Variants in FOXK1 observed in about 807,000 individuals in gnomAD.
FOXK1 encodes the protein forkhead box protein K1.
In FOXK1, 19 loss-of-function variants were observed where a neutral mutation model predicts 51.9. The observed-to-expected ratio is 0.37, with a 90% CI of 0.26 to 0.54. The LOEUF (loss-of-function observed/expected upper bound fraction) is 0.54. Among genes scored for constraint, FOXK1 ranks in the 20% least tolerant of loss-of-function variants. The probability of loss-of-function intolerance (pLI) is 0.87; values close to 1 mark genes in which losing one functional copy is unlikely to be tolerated. For synonymous variants in FOXK1, 537 were observed against 482.6 expected (o/e 1.11, Z -1.48); for missense variants, 870 against 1,032.7 (o/e 0.84, Z 2.16).
At chr7:4,732,681 T>C in intron 1 of FOXK1, among the ~76,000 whole-genome samples, 1 of 152,210 alleles carries the variant, frequency 6.6e-6, no homozygotes, top group East Asian at 1.9e-4. Context: ...CAGGTCTCAC[T>C]TCGCAGAGGC....
At chr7:4,725,563 G>A (rs775214141) in intron 1 of FOXK1, among the ~76,000 whole-genome samples, 48 of 152,252 alleles carry the variant, frequency 3.2e-4, no homozygotes, top group Non-Finnish European at 1.0e-4. Flanking sequence ...TTGTGCGGCC[G>A]GGCCCCTCCG....
At position 4,729,182 on chromosome 7, in the gene FOXK1, C is replaced by T. The variant is rs1459248188; in HGVS notation, c.561-11656C>T. Among the ~76,000 whole-genome samples, 3 of 152,144 alleles carry T rather than the reference C, an allele frequency of 2.0e-5. No individual in the cohort carries two copies. The highest frequency in any genetic ancestry group is 1.9e-4 in the East Asian group (1 of 5,192). ...TTAAGCCACACAGCATGGTGGGGAG[C>T]GGAGGTGATTTCGGAGCCTACTCTC... On this transcript the variant is annotated intron_variant, in intron 1 of 8. Coordinates refer to ENST00000328914, the MANE Select transcript of FOXK1 (RefSeq NM_001037165.2). The surrounding 1 kb of genome is among the most constrained non-coding windows in gnomAD (Gnocchi z 6.2).
intron 1 of FOXK1, among the ~76,000 whole-genome samples, chr7:4,739,268 C>T (rs570050322): frequency 1.3e-5 from 2 of 152,184 alleles, no homozygotes; most frequent in African/African-American, 4.8e-5. Flanking sequence ...CTGAAAAGCG[C>T]ATTATCACCG....
In FOXK1 at chr7:4,686,778, G is replaced by A. The variant is rs115789582; in HGVS notation, c.560+3910G>A. Among the ~76,000 whole-genome samples the A allele has an allele frequency of 3.5e-3, 529 of 151,714 alleles. 2 individuals are homozygous for A. The highest frequency in any genetic ancestry group is 0.011 in the African/African-American group (445 of 41,322). On this transcript the variant is annotated intron_variant, in intron 1 of 8. Coordinates refer to ENST00000328914, the MANE Select transcript of FOXK1 (RefSeq NM_001037165.2). ...TTTGCAGCTTCTGTAGGAGAAAAACGGCGTCATCGATTTAGTCTGGTGTCC... is the reference window on the plus strand; with the variant it reads ...TTTGCAGCTTCTGTAGGAGAAAAACAGCGTCATCGATTTAGTCTGGTGTCC...
intron 1 of FOXK1, among the ~76,000 whole-genome samples, chr7:4,690,214 G>C (rs1183049676): frequency 1.3e-5 from 2 of 152,070 alleles, no homozygotes; most frequent in African/African-American, 4.8e-5. Flanking sequence ...TGTTCCCGTT[G>C]GGTGATGGTT....
chr7:4,700,685 A>G (rs962140748), intron 1 of FOXK1, among the ~76,000 whole-genome samples: 6 of 151,958 alleles, frequency 3.9e-5, no homozygotes, highest in African/African-American at 1.5e-4. Flanking sequence ...GTGTGGTATC[A>G]TGCACCTGTG....
At chr7:4,684,780 A>G (rs1779798050) in intron 1 of FOXK1, among the ~76,000 whole-genome samples, 1 of 151,866 alleles carries the variant, frequency 6.6e-6, no homozygotes, top group Admixed American at 6.6e-5. Flanking sequence ...AAACAGGTGC[A>G]CTCCTGAGTC....
At chr7:4,750,039 C>T (rs1341372243) in intron 2 of FOXK1, among the ~76,000 whole-genome samples, 2 of 152,220 alleles carry the variant, frequency 1.3e-5, no homozygotes, top group Non-Finnish European at 2.9e-5. Flanking sequence ...CCTGTGAGCA[C>T]AGCTCCGGGA....
In FOXK1 at chr7:4,733,325, A is replaced by G. The variant is rs531303711; in HGVS notation, c.561-7513A>G. 8.5e-5 allele frequency among the ~76,000 whole-genome samples: 13 copies of G among 152,184 alleles called. No homozygotes were observed. The South Asian group carries it at 2.3e-3, about 27-fold the overall frequency. ...ATTATAGATGTAAGCCACCCTACCC[A>G]GCCACACATGACCATCTTAATGTCA... On this transcript the variant is annotated intron_variant, in intron 1 of 8. Coordinates refer to ENST00000328914, the MANE Select transcript of FOXK1 (RefSeq NM_001037165.2). This position sits in a 1 kb window ranked among gnomAD's most constrained non-coding sequence, Gnocchi z 5.0.
Position 4,758,105 on chromosome 7 carries a change from C to T in FOXK1, c.1244+918C>T, listed in dbSNP as rs534123598. On this transcript the variant is annotated intron_variant, in intron 5 of 8. Coordinates refer to ENST00000328914, the MANE Select transcript of FOXK1 (RefSeq NM_001037165.2). This position sits in a 1 kb window ranked among gnomAD's most constrained non-coding sequence, Gnocchi z 4.4. The stretch of plus-strand genomic sequence containing the variant: ...GGGTCTTTTGGTAGCACTAAGCTTT[C>T]TGTTGCAGTGTGTGAGAGGACCCGG... 7 of 152,400 alleles carry T rather than the reference C, an allele frequency of 4.6e-5. No individual in the cohort carries two copies. The South Asian group carries it at 6.2e-4, about 14-fold the overall frequency. 9.4% of individuals were successfully genotyped at this position (152,400 alleles called of 1,614,324 possible). A position where few individuals can be genotyped will look rare whatever the true frequency, so the allele number is the denominator to read the frequency against.
rs979902501 is a variant in FOXK1 at position 4,715,559 on chromosome 7, G to A, written c.561-25279G>A. 6.6e-6 allele frequency among the ~76,000 whole-genome samples: 1 copy of A among 152,224 alleles called. No homozygotes were observed. Among genetic ancestry groups the A allele is most frequent in the Admixed American group, 6.5e-5 (1 of 15,286 alleles). On this transcript the variant is annotated intron_variant, in intron 1 of 8. Coordinates refer to ENST00000328914, the MANE Select transcript of FOXK1 (RefSeq NM_001037165.2). The surrounding 1 kb of genome is among the most constrained non-coding windows in gnomAD (Gnocchi z 4.5). Reference sequence around the variant, plus strand: ...GCAGTCAGCTTTCCACTTAAGCAGAGCCAAGTTTAGAATGAATGAATAGGA... The same window carrying A: ...GCAGTCAGCTTTCCACTTAAGCAGAACCAAGTTTAGAATGAATGAATAGGA...
intron 1 of FOXK1, among the ~76,000 whole-genome samples, chr7:4,701,694 C>A (rs1412625697): frequency 6.6e-6 from 1 of 152,180 alleles, no homozygotes; most frequent in Non-Finnish European, 1.5e-5. Flanking sequence ...GAGATCAAGA[C>A]CATCCTGGCT....
At chr7:4,741,885 C>T (rs1208316680) in intron 2 of FOXK1, among the ~76,000 whole-genome samples, 1 of 152,238 alleles carries the variant, frequency 6.6e-6, no homozygotes, top group Admixed American at 6.5e-5. Context: ...CCTCAGGCGA[C>T]AGCCTGGATG....
In FOXK1 at chr7:4,769,805, A is replaced by T. The variant is rs1292699982; in HGVS notation, c.*7341A>T. 6.6e-6 allele frequency: 1 copy of T among 152,080 alleles called. No homozygotes were observed. The highest frequency in any genetic ancestry group is 1.5e-5 in the Non-Finnish European group (1 of 68,034). 9.4% of individuals were successfully genotyped at this position (152,080 alleles called of 1,614,324 possible). A position where few individuals can be genotyped will look rare whatever the true frequency, so the allele number is the denominator to read the frequency against. ...TGTTGTTTTGTTTTGTTTTAGCGTG[A>T]TACTACAATGGAAAGACTCCTAGTT... On this transcript the variant is annotated 3_prime_UTR_variant, in exon 9 of 9. Transcript: ENST00000328914. The surrounding 1 kb of genome is among the most constrained non-coding windows in gnomAD (Gnocchi z 4.1).
Position 4,723,099 on chromosome 7 carries a change from T to C in FOXK1, c.561-17739T>C, listed in dbSNP as rs1311510760. ...GTCTTCCCAAGCCTGTTGACGATGA[T>C]GGTAACGGCACCGTGCTCACTCCAA... is the stretch of plus-strand genomic sequence containing the variant. On this transcript the variant is annotated intron_variant, in intron 1 of 8. Transcript: ENST00000328914. The surrounding 1 kb of genome is among the most constrained non-coding windows in gnomAD (Gnocchi z 4.7). Among the ~76,000 whole-genome samples, 1 of 151,858 alleles carries C rather than the reference T, an allele frequency of 6.6e-6. No homozygotes were observed. The highest frequency in any genetic ancestry group is 1.5e-5 in the Non-Finnish European group (1 of 67,982).
chr7:4,687,740 T>G (rs1255850364), intron 1 of FOXK1, among the ~76,000 whole-genome samples: 2 of 152,210 alleles, frequency 1.3e-5, no homozygotes, highest in African/African-American at 4.8e-5. Context: ...CGCCCAGTAT[T>G]TTTATAGTAA....
In FOXK1 at chr7:4,742,695, G is replaced by A. The variant is rs571981352; in HGVS notation, c.746+1672G>A. Among the ~76,000 whole-genome samples, 5 of 152,284 alleles carry A rather than the reference G, an allele frequency of 3.3e-5. No individual in the cohort carries two copies. In the South Asian group the frequency reaches 8.3e-4, roughly 25 times the overall value. ...ACCTCCCAAAGTGCTGAGGTTACAGGTGTGAGCCAACACACCCAGCCCGTA... is the reference window on the plus strand; with the variant it reads ...ACCTCCCAAAGTGCTGAGGTTACAGATGTGAGCCAACACACCCAGCCCGTA... On this transcript the variant is annotated intron_variant, in intron 2 of 8. Transcript: ENST00000328914.
At chr7:4,759,850 C>T (rs1780908556) in intron 7 of FOXK1, 4 of 567,638 alleles carry the variant, frequency 7.0e-6, no homozygotes, top group Non-Finnish European at 1.2e-5. Context: ...GGCCAACATA[C>T]TGAAACCCCG....
chr7:4,726,504 C>G (rs1394056658), intron 1 of FOXK1, among the ~76,000 whole-genome samples: 1 of 152,184 alleles, frequency 6.6e-6, no homozygotes, highest in African/African-American at 2.4e-5. Flanking sequence ...TGCCTGTAGT[C>G]TCAGCTACTC....
Sources: allele counts gnomAD v4.1 joint callset (sites outside exome capture counted in the v4.1 genomes callset), GRCh38; gene constraint gnomAD v4.1.1; non-coding constraint Gnocchi (gnomAD v3.1); transcripts MANE v1.5; gene names NCBI Gene and HGNC (gene_info 2026-07-23, HGNC 2026-07-21).